BANK1: variants seen among roughly 807,000 people sequenced by gnomAD.
The protein encoded by BANK1 is B cell scaffold protein with ankyrin repeats 1, also known as B-cell scaffold protein with ankyrin repeats.
Under a neutral mutation model 94.5 loss-of-function variants are expected in BANK1, and 95 were observed. The observed-to-expected ratio is 1.00, with a 90% CI of 0.85 to 1.19. The LOEUF is 1.19. BANK1 is among the 50% of genes most tolerant of loss of function. BANK1 has a pLI of 0.00. For synonymous variants in BANK1, 334 were observed against 308.4 expected (o/e 1.08, Z -0.87); for missense variants, 987 against 932.2 (o/e 1.06, Z -0.77).
rs1728862984 is a variant in BANK1 at position 102,074,585 on chromosome 4, T to A, written c.*586T>A. ...AAAACTTTTCTATATCTCAAATTAA[T>A]ATACATTTTCATAACCTACCTTTGT... On this transcript the variant is annotated 3_prime_UTR_variant, in exon 17 of 17. Transcript: ENST00000322953. 6.6e-6 allele frequency: 1 copy of A among 152,064 alleles called. No individual in the cohort carries two copies. The highest frequency in any genetic ancestry group is 1.5e-5 in the Non-Finnish European group (1 of 67,900). 9.4% of individuals were successfully genotyped at this position (152,064 alleles called of 1,614,324 possible).
intron 7 of BANK1, among the ~76,000 whole-genome samples, chr4:101,928,571 C>T (rs947920019): frequency 6.6e-6 from 1 of 151,690 alleles, no homozygotes; most frequent in Non-Finnish European, 1.5e-5. Context: ...CTCAGTACTG[C>T]CGAGTTCACT....
chr4:101,936,296 C>A (rs796332576), intron 7 of BANK1, among the ~76,000 whole-genome samples: 1 of 131,770 alleles, frequency 7.6e-6, no homozygotes, highest in African/African-American at 2.5e-5. Flanking sequence ...CATATATGCA[C>A]ACATACATGC....
intron 5 of BANK1, among the ~76,000 whole-genome samples, chr4:101,887,399 C>G (rs557849664): frequency 6.4e-4 from 98 of 152,278 alleles, no homozygotes; most frequent in Middle Eastern, 3.4e-3. Flanking sequence ...GGTCACATCT[C>G]CTTATTGCTA....
chr4:101,972,806 C>T (rs941985953), intron 7 of BANK1: 2 of 152,094 alleles, frequency 1.3e-5, no homozygotes, highest in East Asian at 1.9e-4. Flanking sequence ...GTCCCCCTCA[C>T]GTGCACATAA....
chr4:101,825,941 A>G (rs1343765534), intron 1 of BANK1, among the ~76,000 whole-genome samples: 2 of 152,134 alleles, frequency 1.3e-5, no homozygotes, highest in Middle Eastern at 3.4e-3. Context: ...GATTGTCTCT[A>G]TTTTTGATTT....
chr4:101,920,645 A>T (rs1722972397), intron 7 of BANK1, among the ~76,000 whole-genome samples: 1 of 151,930 alleles, frequency 6.6e-6, no homozygotes. Context: ...AGTGGACTAC[A>T]CTTCTACTGA....
At position 102,025,193 on chromosome 4, in the gene BANK1, A is replaced by G; in HGVS notation, c.1286-8A>G. On this transcript the variant is annotated splice_polypyrimidine_tract_variant and splice_region_variant and intron_variant, in intron 8 of 16. Transcript: ENST00000322953. ...TAAATGAAATCATGCAATCTTCATC[A>G]TAAACAGCCACACAGAACCCAGCAT... 6.2e-7 allele frequency: 1 copy of G among 1,611,806 alleles called. No homozygotes were observed. The highest frequency in any genetic ancestry group is 8.5e-7 in the Non-Finnish European group (1 of 1,178,186).
In BANK1 at chr4:101,790,859, C is replaced by A. The variant is rs1296981905; in HGVS notation, c.-22C>A. 1 of 1,536,218 alleles carries A rather than the reference C, an allele frequency of 6.5e-7. No homozygotes were observed. Among genetic ancestry groups the A allele is most frequent in the Non-Finnish European group, 8.7e-7 (1 of 1,145,614 alleles). On this transcript the variant is annotated 5_prime_UTR_variant, in exon 1 of 17. Transcript: ENST00000322953. ...CGCTCGGCGGGCAGCAGTGCGCAGGCCCCTCGGCTTCAACCGCCACAATGC... is the reference window on the plus strand; with the variant it reads ...CGCTCGGCGGGCAGCAGTGCGCAGGACCCTCGGCTTCAACCGCCACAATGC...
intron 2 of BANK1, among the ~76,000 whole-genome samples, chr4:101,835,385 C>G (rs542510359): frequency 8.5e-5 from 13 of 152,278 alleles, no homozygotes; most frequent in Admixed American, 8.5e-4. Flanking sequence ...GCTTGCAACC[C>G]CTGAGCTACC....
At chr4:101,871,260 G>A (rs554566211) in intron 5 of BANK1, among the ~76,000 whole-genome samples, 2 of 152,106 alleles carry the variant, frequency 1.3e-5, no homozygotes, top group Middle Eastern at 3.4e-3. Flanking sequence ...ATAACAATTT[G>A]ATAACTAGAA....
intron 7 of BANK1, among the ~76,000 whole-genome samples, chr4:101,969,542 C>CCTTCCATAAACAACACTTTA (rs1724885549): frequency 1.3e-5 from 2 of 152,076 alleles, no homozygotes; most frequent in South Asian, 4.1e-4. Context: ...CAACACACTG[C>CCTTCCATAAACAACACTTTA]CTTCCATTCC....
chr4:102,020,499 T>G (rs898430673), intron 7 of BANK1, among the ~76,000 whole-genome samples: 1 of 152,084 alleles, frequency 6.6e-6, no homozygotes, highest in African/African-American at 2.4e-5. Context: ...TAGGGACTGT[T>G]TTGCTTCTCT....
At chr4:101,829,494 A>G (rs1483551710) in intron 1 of BANK1, among the ~76,000 whole-genome samples, 1 of 151,764 alleles carries the variant, frequency 6.6e-6, no homozygotes, top group Non-Finnish European at 1.5e-5. Context: ...ATTATCTATA[A>G]CATTATCTAT....
chr4:102,029,837 C>G lies in BANK1; in HGVS notation c.1595-123C>G, dbSNP rs116433717. ...TTCTCCTGGAGTCACGAGCTCTTCTCTAATACTGTTTCCTACGGCACTTGA... is the reference window on the plus strand; with the variant it reads ...TTCTCCTGGAGTCACGAGCTCTTCTGTAATACTGTTTCCTACGGCACTTGA... On this transcript the variant is annotated intron_variant, in intron 9 of 16. Transcript: ENST00000322953. 2.3e-3 allele frequency: 1,904 copies of G among 844,326 alleles called. 18 individuals are homozygous for G. In the African/African-American group the frequency reaches 0.028, roughly 12 times the overall value. The allele number at this position is 844,326 out of a possible 1,614,324, so 52.3% of individuals were successfully genotyped here.
chr4:101,807,229 G>A (rs1725585232), intron 1 of BANK1, among the ~76,000 whole-genome samples: 1 of 152,128 alleles, frequency 6.6e-6, no homozygotes, highest in Non-Finnish European at 1.5e-5. Context: ...ATTTTTCTTA[G>A]ACTGACTTTC....
intron 2 of BANK1, among the ~76,000 whole-genome samples, chr4:101,848,637 T>C (rs1473398021): frequency 1.3e-5 from 2 of 152,240 alleles, no homozygotes; most frequent in Non-Finnish European, 2.9e-5. Context: ...GGCATGCAGT[T>C]TAAAGTGAAG....
chr4:101,815,351 T>C (rs1367111056), intron 1 of BANK1, among the ~76,000 whole-genome samples: 1 of 152,124 alleles, frequency 6.6e-6, no homozygotes, highest in African/African-American at 2.4e-5. Flanking sequence ...ACTGGAAATA[T>C]AAAAATTGAG....
intron 7 of BANK1, among the ~76,000 whole-genome samples, chr4:102,002,544 TACACACACACACACACACACACAC>T (rs10559889): frequency 6.8e-6 from 1 of 148,032 alleles, no homozygotes; most frequent in South Asian, 2.1e-4. Flanking sequence ...TTAATACAAA[TACACACACACACACACACACACAC>T]ACACACACAC....
At chr4:102,003,013 G>T (rs571234988) in intron 7 of BANK1, among the ~76,000 whole-genome samples, 1 of 152,054 alleles carries the variant, frequency 6.6e-6, no homozygotes. Context: ...CGCCCACCTC[G>T]GCCTCCCAAA....
Sources: gnomAD v4.1 joint callset for allele counts (sites outside exome capture counted in the v4.1 genomes callset) on GRCh38, gnomAD v4.1.1 for gene constraint, MANE v1.5 for transcripts, NCBI Gene and HGNC (gene_info 2026-07-23, HGNC 2026-07-21) for gene names.